Variants in SLC35F1 observed in about 807,000 individuals in gnomAD.
SLC35F1 encodes the protein solute carrier family 35 member F1.
Under a neutral mutation model 48.7 loss-of-function variants are expected in SLC35F1, and 14 were observed. That is an observed-to-expected ratio of 0.29 (90% CI 0.19 to 0.45). The LOEUF is 0.45. SLC35F1 is among the 20% of genes least tolerant of loss of function. The probability of loss-of-function intolerance (pLI) is 1.00; values close to 1 mark genes in which losing one functional copy is unlikely to be tolerated. For synonymous variants in SLC35F1, 190 were observed against 202.2 expected (o/e 0.94, Z 0.51); for missense variants, 404 against 500.0 (o/e 0.81, Z 1.83).
At chr6:118,293,261 G>A (rs1482898446) in intron 7 of SLC35F1, among the ~76,000 whole-genome samples, 3 of 152,042 alleles carry the variant, frequency 2.0e-5, no homozygotes, top group Admixed American at 2.0e-4. Context: ...AGCCTACTTG[G>A]GCTAAAATCA....
At chr6:117,994,303 A>G (rs927351879) in intron 1 of SLC35F1, among the ~76,000 whole-genome samples, 2 of 152,118 alleles carry the variant, frequency 1.3e-5, no homozygotes, top group Non-Finnish European at 2.9e-5. Flanking sequence ...CCAGCTAGAG[A>G]AAATTCTCTT....
chr6:117,982,144 T>G (rs1240009205), intron 1 of SLC35F1, among the ~76,000 whole-genome samples: 1 of 152,232 alleles, frequency 6.6e-6, no homozygotes, highest in African/African-American at 2.4e-5. Context: ...ACAGTTTCTG[T>G]TTTTCTTTCT....
At chr6:118,279,480 T>C (rs1343515081) in intron 6 of SLC35F1, among the ~76,000 whole-genome samples, 1 of 152,206 alleles carries the variant, frequency 6.6e-6, no homozygotes, top group Non-Finnish European at 1.5e-5. Flanking sequence ...GGATAAATGT[T>C]TACTAAGTGA....
At chr6:117,932,036 G>A (rs1776108073) in intron 1 of SLC35F1, among the ~76,000 whole-genome samples, 1 of 152,138 alleles carries the variant, frequency 6.6e-6, no homozygotes, top group African/African-American at 2.4e-5. Flanking sequence ...CTCATCAATG[G>A]CATTGATGCC....
intron 1 of SLC35F1, among the ~76,000 whole-genome samples, chr6:117,925,250 A>T (rs1776013148): frequency 6.6e-6 from 1 of 152,062 alleles, no homozygotes; most frequent in African/African-American, 2.4e-5. Context: ...GGGTGGGCAA[A>T]GGTCCTGGGT....
chr6:118,081,971 A>T (rs925413708), intron 1 of SLC35F1, among the ~76,000 whole-genome samples: 3 of 152,200 alleles, frequency 2.0e-5, no homozygotes, highest in Non-Finnish European at 4.4e-5. Flanking sequence ...AGGAATGAAA[A>T]TTTCCGTTAA....
intron 3 of SLC35F1, among the ~76,000 whole-genome samples, chr6:118,243,798 C>T (rs779171795): frequency 1.2e-4 from 18 of 152,160 alleles, no homozygotes; most frequent in Non-Finnish European, 2.2e-4. Flanking sequence ...ATGACTAAAG[C>T]TCAGCTCTTA....
intron 1 of SLC35F1, among the ~76,000 whole-genome samples, chr6:118,074,241 T>C (rs1182696462): frequency 6.6e-6 from 1 of 152,228 alleles, no homozygotes; most frequent in African/African-American, 2.4e-5. Context: ...CACTACAACC[T>C]TCTTAAGCTG....
rs1776443963 is a variant in SLC35F1 at position 118,316,876 on chromosome 6, TG to T, written c.*2625del. 6.6e-6 allele frequency: 1 copy of T among 152,360 alleles called. No individual in the cohort carries two copies. Among genetic ancestry groups the T allele is most frequent in the Non-Finnish European group, 1.5e-5 (1 of 68,030 alleles). 9.4% of individuals were successfully genotyped at this position (152,360 alleles called of 1,614,324 possible). ...CCATTTAGAAAGGTTGATAATATAT[TG>T]AATTGTTCAAGATCAGGAGTTCCAG... On this transcript the variant is annotated 3_prime_UTR_variant, in exon 8 of 8. Transcript: ENST00000360388.
At chr6:118,214,819 A>T (rs1193019096) in intron 2 of SLC35F1, among the ~76,000 whole-genome samples, 2 of 152,156 alleles carry the variant, frequency 1.3e-5, no homozygotes, top group Non-Finnish European at 2.9e-5. Context: ...ACTGTCTCTC[A>T]ATGAGACAAA....
At chr6:118,179,500 A>G (rs1441503653) in intron 2 of SLC35F1, among the ~76,000 whole-genome samples, 2 of 152,120 alleles carry the variant, frequency 1.3e-5, no homozygotes, top group Non-Finnish European at 2.9e-5. Context: ...CACATTGGTG[A>G]GGGCAATCTT....
chr6:118,196,761 G>A (rs1278385114), intron 2 of SLC35F1, among the ~76,000 whole-genome samples: 2 of 151,994 alleles, frequency 1.3e-5, no homozygotes, highest in African/African-American at 4.8e-5. Context: ...ATAAATCATT[G>A]TCAAGACCAA....
intron 1 of SLC35F1, among the ~76,000 whole-genome samples, chr6:117,934,323 A>G (rs909885462): frequency 6.6e-6 from 1 of 152,214 alleles, no homozygotes; most frequent in South Asian, 2.1e-4. Context: ...TTAATAGGAA[A>G]CAGGCTAATG....
chr6:117,966,135 C>CCCA (rs1488107538), intron 1 of SLC35F1, among the ~76,000 whole-genome samples: 2 of 60,750 alleles, frequency 3.3e-5, no homozygotes, highest in African/African-American at 1.0e-4. Flanking sequence ...GCCACCGCCC[C>CCCA]CCCCCCCACT....
intron 1 of SLC35F1, among the ~76,000 whole-genome samples, chr6:118,062,941 TA>T (rs1259367323): frequency 5.9e-5 from 9 of 152,154 alleles, no homozygotes; most frequent in Non-Finnish European, 1.3e-4. Context: ...AATATTTGCT[TA>T]TAAAGGCATT....
chr6:117,976,743 C>T (rs1009353070), intron 1 of SLC35F1, among the ~76,000 whole-genome samples: 1 of 152,098 alleles, frequency 6.6e-6, no homozygotes. Flanking sequence ...AAGTAGTACA[C>T]ATTTATTGCA....
intron 7 of SLC35F1, among the ~76,000 whole-genome samples, chr6:118,311,897 C>T (rs1776376668): frequency 1.3e-5 from 2 of 152,038 alleles, no homozygotes; most frequent in African/African-American, 4.8e-5. Flanking sequence ...ATAACAAAAA[C>T]AATAATAAGA....
chr6:118,103,345 T>A (rs1045287923), intron 1 of SLC35F1, among the ~76,000 whole-genome samples: 1 of 152,224 alleles, frequency 6.6e-6, no homozygotes, highest in Non-Finnish European at 1.5e-5. Flanking sequence ...TGTATACATG[T>A]GCCATGTTGA....
intron 2 of SLC35F1, among the ~76,000 whole-genome samples, chr6:118,193,595 C>T (rs1482484778): frequency 1.3e-5 from 2 of 152,004 alleles, no homozygotes; most frequent in Non-Finnish European, 2.9e-5. Context: ...CTTTACATAC[C>T]TTGCATGTAA....
Sources: gnomAD v4.1 joint callset for allele counts (sites outside exome capture counted in the v4.1 genomes callset) on GRCh38, gnomAD v4.1.1 for gene constraint, MANE v1.5 for transcripts, NCBI Gene and HGNC (gene_info 2026-07-23, HGNC 2026-07-21) for gene names.